PEX5L: variants seen among roughly 807,000 people sequenced by gnomAD.
PEX5L encodes peroxisomal biogenesis factor 5 like, also known as PEX5-related protein.
PEX5L carries 30 observed loss-of-function variants against 84.0 expected under a neutral mutation model. The ratio of observed to expected loss-of-function variants is 0.36; its 90% CI spans 0.27 to 0.48. The LOEUF (loss-of-function observed/expected upper bound fraction) is 0.48, where lower values mean the gene tolerates loss of function less well. Among genes scored for constraint, PEX5L ranks in the 20% least tolerant of loss-of-function variants. The pLI is 0.99. For synonymous variants in PEX5L, 270 were observed against 283.1 expected, an observed-to-expected ratio of 0.95 and a Z score of 0.46; for missense variants, 533 against 754.6, an observed-to-expected ratio of 0.71 and a Z score of 3.44.
At chr3:179,948,004 C>A (rs779576716) in intron 2 of PEX5L, among the ~76,000 whole-genome samples, 67 of 151,542 alleles carry the variant, frequency 4.4e-4, no homozygotes, top group Non-Finnish European at 8.0e-4. Context: ...CCGTGCCTGG[C>A]CAAAAAAGTT....
At chr3:179,898,503 T>A (rs1049095418) in intron 2 of PEX5L, among the ~76,000 whole-genome samples, 4 of 152,186 alleles carry the variant, frequency 2.6e-5, no homozygotes, top group South Asian at 2.1e-4. Flanking sequence ...TTTATATGTA[T>A]AATATGTTTT....
At chr3:179,840,154 T>TTG (rs1326453168) in intron 8 of PEX5L, among the ~76,000 whole-genome samples, 37 of 145,000 alleles carry the variant, frequency 2.6e-4, no homozygotes, top group African/African-American at 8.8e-4. Flanking sequence ...TATCGTCAAG[T>TTG]TGTTTTTTGT....
chr3:179,905,961 C>T (rs1763059066), intron 2 of PEX5L, among the ~76,000 whole-genome samples: 1 of 152,064 alleles, frequency 6.6e-6, no homozygotes, highest in Non-Finnish European at 1.5e-5. Context: ...ACTGAAATTA[C>T]ATTATATGGC....
At chr3:179,914,800 A>C (rs1233848696) in intron 2 of PEX5L, among the ~76,000 whole-genome samples, 1 of 152,254 alleles carries the variant, frequency 6.6e-6, no homozygotes, top group African/African-American at 2.4e-5. Context: ...TCTGTAGCTA[A>C]AAGAAAGGTT....
intron 2 of PEX5L, among the ~76,000 whole-genome samples, chr3:179,926,848 A>G (rs550027291): frequency 6.6e-6 from 1 of 152,336 alleles, no homozygotes; most frequent in South Asian, 2.1e-4. Flanking sequence ...AATTTTGGAA[A>G]TGGCTTCAAC....
At chr3:179,963,803 C>T (rs538918158) in intron 2 of PEX5L, among the ~76,000 whole-genome samples, 5 of 152,250 alleles carry the variant, frequency 3.3e-5, no homozygotes, top group South Asian at 2.1e-4. Context: ...TAGCCACTGA[C>T]TCCCTCACTC....
At chr3:179,850,528 A>ACAATATG (rs1741418321) in intron 8 of PEX5L, among the ~76,000 whole-genome samples, 2 of 152,268 alleles carry the variant, frequency 1.3e-5, no homozygotes, top group African/African-American at 4.8e-5. Flanking sequence ...TGGAAGTAAA[A>ACAATATG]TTTTATTTGT....
intron 8 of PEX5L, among the ~76,000 whole-genome samples, chr3:179,831,729 T>C (rs778947636): frequency 3.9e-5 from 6 of 152,104 alleles, no homozygotes; most frequent in Non-Finnish European, 7.4e-5. Context: ...ACTGAGACTG[T>C]AAGGTTGAAC....
At chr3:179,848,136 T>G (rs996675448) in intron 8 of PEX5L, among the ~76,000 whole-genome samples, 1 of 152,204 alleles carries the variant, frequency 6.6e-6, no homozygotes, top group East Asian at 1.9e-4. Context: ...AGTAACAGTA[T>G]TCAATGCTAC....
chr3:179,908,998 A>C (rs1764245105), intron 2 of PEX5L, among the ~76,000 whole-genome samples: 1 of 152,202 alleles, frequency 6.6e-6, no homozygotes, highest in South Asian at 2.1e-4. Flanking sequence ...AGCACATAGT[A>C]GGTACTGAAA....
In PEX5L at chr3:179,912,099, T is replaced by A. The variant is rs539682238; in HGVS notation, c.94-13853A>T. Among the ~76,000 whole-genome samples, 167 of 152,282 alleles carry A rather than the reference T, an allele frequency of 1.1e-3. 1 individual carries two copies. Among genetic ancestry groups the A allele is most frequent in the African/African-American group, 3.8e-3 (159 of 41,576 alleles). On this transcript the variant is annotated intron_variant, in intron 2 of 14. Coordinates refer to ENST00000467460, the MANE Select transcript of PEX5L (RefSeq NM_016559.3). Reference sequence around the variant, plus strand: ...GTATTGGATCATTTCTACTCTTTACTGGGCATGAAACATGATTGCCTGTAT... The same window carrying A: ...GTATTGGATCATTTCTACTCTTTACAGGGCATGAAACATGATTGCCTGTAT...
chr3:180,000,668 A>G (rs779779038), intron 1 of PEX5L, among the ~76,000 whole-genome samples: 11 of 151,344 alleles, frequency 7.3e-5, no homozygotes, highest in Non-Finnish European at 1.2e-4. Context: ...GTGCATGTAT[A>G]TACTTGTACT....
chr3:179,997,634 A>G (rs958777383), intron 1 of PEX5L, among the ~76,000 whole-genome samples: 1 of 152,158 alleles, frequency 6.6e-6, no homozygotes, highest in Non-Finnish European at 1.5e-5. Context: ...TCCCCATTCA[A>G]CTCTCCCATT....
At chr3:179,875,598 T>C in intron 5 of PEX5L, 121 bp from the exon 6 acceptor site, 1 of 667,578 alleles carries the variant, frequency 1.5e-6, no homozygotes, top group Non-Finnish European at 2.5e-6. Flanking sequence ...TAATTAAGAT[T>C]GAAAAATCTT....
At chr3:179,972,538 ACAT>A (rs1371990137) in intron 1 of PEX5L, among the ~76,000 whole-genome samples, 1 of 152,116 alleles carries the variant, frequency 6.6e-6, no homozygotes, top group African/African-American at 2.4e-5. Flanking sequence ...AAAAACCACT[ACAT>A]AGTTAGCTGT....
intron 2 of PEX5L, among the ~76,000 whole-genome samples, chr3:179,954,204 C>CGGG (rs542442468): frequency 4.4e-4 from 39 of 89,552 alleles, no homozygotes; most frequent in Non-Finnish European, 4.7e-5. Context: ...AACCATTAGT[C>CGGG]GGGGGGGGGG....
At chr3:179,963,588 C>T (rs1172630422) in intron 2 of PEX5L, among the ~76,000 whole-genome samples, 1 of 152,040 alleles carries the variant, frequency 6.6e-6, no homozygotes, top group African/African-American at 2.4e-5. Flanking sequence ...AAACTGGACC[C>T]CATGGGTTGT....
At chr3:179,961,913 G>A (rs1427797014) in intron 2 of PEX5L, among the ~76,000 whole-genome samples, 1 of 110,594 alleles carries the variant, frequency 9.0e-6, no homozygotes, top group African/African-American at 3.0e-5. Context: ...AGTTGAGGGG[G>A]AGATGATAAA....
At chr3:179,832,427 C>T (rs138859096) in intron 8 of PEX5L, among the ~76,000 whole-genome samples, 5 of 151,502 alleles carry the variant, frequency 3.3e-5, no homozygotes, top group African/African-American at 1.2e-4. Flanking sequence ...CACCTGCCTA[C>T]CCACTAACCT....
Sources: gnomAD v4.1 joint callset for allele counts (sites outside exome capture counted in the v4.1 genomes callset) on GRCh38, gnomAD v4.1.1 for gene constraint, MANE v1.5 for transcripts, NCBI Gene and HGNC (gene_info 2026-07-23, HGNC 2026-07-21) for gene names.